RNF169: variants seen among roughly 807,000 people sequenced by gnomAD.
RNF169 encodes the protein ring finger protein 169, also known as E3 ubiquitin-protein ligase RNF169.
Under a neutral mutation model 53.9 loss-of-function variants are expected in RNF169, and 24 were observed. The observed-to-expected ratio is 0.45, with a 90% CI of 0.32 to 0.63. The LOEUF is 0.63. RNF169 is among the 20% of genes least tolerant of loss of function. The pLI, the probability that RNF169 is intolerant of heterozygous loss-of-function variation, is 0.04. For missense variants in RNF169, 883 were observed against 906.2 expected (o/e 0.97, Z 0.33); for synonymous variants, 396 against 363.5 (o/e 1.09, Z -1.02).
intron 1 of RNF169, among the ~76,000 whole-genome samples, chr11:74,765,700 G>A (rs1250331279): frequency 6.6e-6 from 1 of 151,966 alleles, no homozygotes; most frequent in African/African-American, 2.4e-5. Context: ...TACTTGGGAG[G>A]CTGAGGCAGG....
chr11:74,815,838 C>G (rs1409529711), intron 3 of RNF169, among the ~76,000 whole-genome samples: 1 of 152,076 alleles, frequency 6.6e-6, no homozygotes, highest in African/African-American at 2.4e-5. Context: ...TTACTTGGTA[C>G]TGATTTAATT....
chr11:74,772,192 CTT>C, intron 1 of RNF169, among the ~76,000 whole-genome samples: 1 of 151,908 alleles, frequency 6.6e-6, no homozygotes, highest in Admixed American at 6.5e-5. Context: ...AAAAAAATCA[CTT>C]TTATTTATGC....
At chr11:74,815,242 A>C (rs2135124344) in intron 3 of RNF169, among the ~76,000 whole-genome samples, 1 of 152,328 alleles carries the variant, frequency 6.6e-6, no homozygotes, top group Middle Eastern at 3.4e-3. Flanking sequence ...TTTGTAATGT[A>C]GTTTATTTTG....
In RNF169 at chr11:74,839,888, A is replaced by G. The variant is rs965884103; in HGVS notation, c.*3158A>G. 6.6e-6 allele frequency: 1 copy of G among 152,202 alleles called. No homozygotes were observed. The highest frequency in any genetic ancestry group is 1.5e-5 in the Non-Finnish European group (1 of 68,036). The allele number at this position is 152,202 out of a possible 1,614,324, so 9.4% of individuals were successfully genotyped here. On this transcript the variant is annotated 3_prime_UTR_variant, in exon 6 of 6. Transcript: ENST00000299563. ...ATTTGCCTCTTTTTAAAAAAGGTTA[A>G]GTCTTCTTGGGTGAGGCTTGCCAGG... is the stretch of plus-strand genomic sequence containing the variant.
chr11:74,819,383 TGA>T (rs1243171621), intron 4 of RNF169, among the ~76,000 whole-genome samples: 1 of 152,246 alleles, frequency 6.6e-6, no homozygotes, highest in East Asian at 1.9e-4. Context: ...TTCTTGGCTC[TGA>T]GTTTACTGCT....
intron 1 of RNF169, among the ~76,000 whole-genome samples, chr11:74,762,403 T>C (rs957282792): frequency 1.3e-5 from 2 of 152,214 alleles, no homozygotes; most frequent in Admixed American, 1.3e-4. Flanking sequence ...TTTCCAGTTT[T>C]TCTATTGTGT....
chr11:74,822,304 ATCT>A (rs923687026), intron 4 of RNF169, among the ~76,000 whole-genome samples: 7 of 152,148 alleles, frequency 4.6e-5, no homozygotes, highest in African/African-American at 1.7e-4. Flanking sequence ...TAAGCATTAA[ATCT>A]TCTAGCTTTC....
chr11:74,827,509 C>T (rs1056740721), intron 4 of RNF169, among the ~76,000 whole-genome samples: 2 of 152,166 alleles, frequency 1.3e-5, no homozygotes, highest in African/African-American at 2.4e-5. Context: ...TTCTATTGCT[C>T]CGTCAGACTG....
intron 3 of RNF169, 59 bp from the exon 4 acceptor site, chr11:74,817,537 A>C: frequency 9.7e-7 from 1 of 1,032,032 alleles, no homozygotes; most frequent in South Asian, 1.3e-5. Flanking sequence ...ACCTATAGCT[A>C]GAGTAGATGC....
intron 1 of RNF169, among the ~76,000 whole-genome samples, chr11:74,755,663 C>G (rs557957906): frequency 1.4e-4 from 21 of 152,208 alleles, no homozygotes; most frequent in South Asian, 4.1e-4. Context: ...TTGCAGGAAG[C>G]CTGAGGAAGG....
chr11:74,776,273 G>A (rs1051717628), intron 1 of RNF169, among the ~76,000 whole-genome samples: 3 of 151,830 alleles, frequency 2.0e-5, no homozygotes, highest in African/African-American at 7.3e-5. Context: ...CCTTCCTTCT[G>A]TTTTGCCATT....
intron 4 of RNF169, among the ~76,000 whole-genome samples, chr11:74,824,259 A>C (rs1215613189): frequency 6.6e-6 from 1 of 152,220 alleles, no homozygotes; most frequent in African/African-American, 2.4e-5. Context: ...CAGTGACAGA[A>C]CAGATTTGAA....
Position 74,840,910 on chromosome 11 carries a change from T to C in RNF169, c.*4180T>C, listed in dbSNP as rs1218845531. ...TGACACACGCAGACACACGCACCAA[T>C]GATGGGGATACCCCCAAATGATTTA... On this transcript the variant is annotated 3_prime_UTR_variant, in exon 6 of 6. Coordinates refer to ENST00000299563, the MANE Select transcript of RNF169 (RefSeq NM_001098638.2). 1 of 151,036 alleles carries C rather than the reference T, an allele frequency of 6.6e-6. No individual in the cohort carries two copies. Among genetic ancestry groups the C allele is most frequent in the South Asian group, 2.1e-4 (1 of 4,776 alleles). 9.4% of individuals were successfully genotyped at this position (151,036 alleles called of 1,614,324 possible).
chr11:74,759,039 G>C (rs1387276819), intron 1 of RNF169, among the ~76,000 whole-genome samples: 5 of 150,140 alleles, frequency 3.3e-5, no homozygotes, highest in Admixed American at 6.7e-5. Flanking sequence ...CTTGTAAGTT[G>C]GATTCCTAGA....
At chr11:74,753,458 A>G (rs1043565171) in intron 1 of RNF169, among the ~76,000 whole-genome samples, 3 of 152,200 alleles carry the variant, frequency 2.0e-5, no homozygotes, top group African/African-American at 7.2e-5. Context: ...TTTTATAAAT[A>G]TTTACATTGT....
intron 1 of RNF169, among the ~76,000 whole-genome samples, chr11:74,775,586 C>T (rs1351774742): frequency 6.6e-6 from 1 of 151,794 alleles, no homozygotes; most frequent in African/African-American, 2.4e-5. Context: ...CTTGGAATAT[C>T]GTAAGCTTTT....
At chr11:74,755,515 A>AG (rs1591384367) in intron 1 of RNF169, among the ~76,000 whole-genome samples, 1 of 152,266 alleles carries the variant, frequency 6.6e-6, no homozygotes, top group East Asian at 1.9e-4. Flanking sequence ...CAATAAAAAA[A>AG]GATGAATAAG....
intron 5 of RNF169, among the ~76,000 whole-genome samples, 184 bp downstream of exon 5, chr11:74,834,959 A>G (rs897082237): frequency 6.6e-6 from 1 of 152,098 alleles, no homozygotes; most frequent in Non-Finnish European, 1.5e-5. Flanking sequence ...CCAGATGGGT[A>G]GAATTAGGGC....
chr11:74,794,853 C>T (rs1465569580), intron 2 of RNF169, among the ~76,000 whole-genome samples: 1 of 152,146 alleles, frequency 6.6e-6, no homozygotes, highest in Non-Finnish European at 1.5e-5. Context: ...GCCTGGAGTG[C>T]AGTGTTGGAA....
Sources: gnomAD v4.1 joint callset for allele counts (sites outside exome capture counted in the v4.1 genomes callset) on GRCh38, gnomAD v4.1.1 for gene constraint, MANE v1.5 for transcripts, NCBI Gene and HGNC (gene_info 2026-07-23, HGNC 2026-07-21) for gene names.